NALF1: variants seen among roughly 807,000 people sequenced by gnomAD.
The protein encoded by NALF1 is NALCN channel auxiliary factor 1, also known as family with sequence similarity 155 member A.
In NALF1, 3 loss-of-function variants were observed where a neutral mutation model predicts 48.4. The ratio of observed to expected loss-of-function variants is 0.06; its 90% CI spans 0.03 to 0.16. The LOEUF is 0.16. Ranked by LOEUF, NALF1 falls within the 10% of genes least tolerant of loss-of-function variation. The pLI is 1.00. For missense variants in NALF1, 526 were observed against 571.5 expected (o/e 0.92, Z 0.81); for synonymous variants, 262 against 245.7 (o/e 1.07, Z -0.62).
chr13:107,260,983 A>G (rs1226613589), intron 1 of NALF1, among the ~76,000 whole-genome samples: 3 of 152,170 alleles, frequency 2.0e-5, no homozygotes, highest in Non-Finnish European at 2.9e-5. Flanking sequence ...GAAGATGGTT[A>G]TCTCCACGGG....
intron 1 of NALF1, among the ~76,000 whole-genome samples, chr13:107,677,029 A>T (rs951835686): frequency 1.5e-5 from 2 of 132,600 alleles, no homozygotes. Flanking sequence ...GATAGAATAA[A>T]TAGTCCTTGT....
intron 1 of NALF1, among the ~76,000 whole-genome samples, chr13:107,470,821 T>C (rs1885088751): frequency 6.6e-6 from 1 of 152,142 alleles, no homozygotes. Flanking sequence ...TATACATGTA[T>C]ACTTATGTAT....
At chr13:107,369,410 T>C (rs1883209870) in intron 1 of NALF1, among the ~76,000 whole-genome samples, 1 of 152,228 alleles carries the variant, frequency 6.6e-6, no homozygotes, top group African/African-American at 2.4e-5. Context: ...AACTGGTGTA[T>C]ATCTTTCCAG....
chr13:107,517,859 G>A (rs529846009), intron 1 of NALF1, among the ~76,000 whole-genome samples: 8 of 151,956 alleles, frequency 5.3e-5, no homozygotes, highest in East Asian at 1.9e-4. Context: ...GGGCTGAGGC[G>A]GAGAATCTCT....
intron 1 of NALF1, among the ~76,000 whole-genome samples, chr13:107,601,901 C>T (rs1878940500): frequency 2.0e-5 from 3 of 151,986 alleles, no homozygotes; most frequent in Admixed American, 2.0e-4. Context: ...GAGGCTCCCT[C>T]CCTTCCTTCC....
intron 1 of NALF1, among the ~76,000 whole-genome samples, chr13:107,523,787 A>C (rs1414396696): frequency 1.3e-5 from 2 of 152,118 alleles, no homozygotes; most frequent in Non-Finnish European, 2.9e-5. Flanking sequence ...TTTATCCCTA[A>C]AATGAGGATT....
chr13:107,490,301 T>C (rs1006829232), intron 1 of NALF1, among the ~76,000 whole-genome samples: 3 of 152,034 alleles, frequency 2.0e-5, no homozygotes, highest in Admixed American at 6.6e-5. Context: ...CTATTCACAA[T>C]AGCAAACACA....
chr13:107,200,015 T>C (rs1594066501), intron 2 of NALF1, among the ~76,000 whole-genome samples: 1 of 152,212 alleles, frequency 6.6e-6, no homozygotes, highest in African/African-American at 2.4e-5. Context: ...TGTTTGCTTA[T>C]TGAACACAAA....
intron 1 of NALF1, among the ~76,000 whole-genome samples, chr13:107,332,239 C>A (rs1329402336): frequency 6.6e-6 from 1 of 152,182 alleles, no homozygotes; most frequent in Non-Finnish European, 1.5e-5. Context: ...ACCCTTCTCA[C>A]CCCACTCAAA....
intron 1 of NALF1, among the ~76,000 whole-genome samples, chr13:107,829,573 C>T (rs1173177182): frequency 6.6e-6 from 1 of 151,818 alleles, no homozygotes; most frequent in East Asian, 1.9e-4. Flanking sequence ...AGAGAACCTC[C>T]TTTTTGCATT....
intron 1 of NALF1, among the ~76,000 whole-genome samples, chr13:107,285,404 C>T (rs1881473651): frequency 6.6e-6 from 1 of 152,222 alleles, no homozygotes; most frequent in South Asian, 2.1e-4. Flanking sequence ...ATAGGTACTG[C>T]CACCTCTAAG....
rs564760347 is a variant in NALF1, at chr13:107,761,071, G to A, written c.915+104611C>T. Among the ~76,000 whole-genome samples the A allele has an allele frequency of 2.1e-4, 32 of 152,158 alleles. No homozygotes were observed. In the East Asian group the frequency reaches 5.0e-3, roughly 24 times the overall value. On this transcript the variant is annotated intron_variant, in intron 1 of 2. Coordinates refer to ENST00000375915, the MANE Select transcript of NALF1 (RefSeq NM_001080396.3). ...GGGTTAAGAAAAAATGGCAAACACC[G>A]GCCAGGCGCGGTGGCTGAAATCACA...
intron 1 of NALF1, among the ~76,000 whole-genome samples, chr13:107,384,263 C>A (rs1176430113): frequency 6.6e-6 from 1 of 151,720 alleles, no homozygotes. Flanking sequence ...AAAAACAAAA[C>A]AAAACAAAAC....
intron 1 of NALF1, among the ~76,000 whole-genome samples, chr13:107,499,007 A>G (rs1875428695): frequency 6.6e-6 from 1 of 152,210 alleles, no homozygotes; most frequent in South Asian, 2.1e-4. Flanking sequence ...ATGGGTGTTC[A>G]GTACATATCT....
intron 1 of NALF1, among the ~76,000 whole-genome samples, chr13:107,384,547 G>T (rs947161801): frequency 1.3e-5 from 2 of 151,234 alleles, no homozygotes; most frequent in Non-Finnish European, 2.9e-5. Context: ...TCCCTTTATC[G>T]TGACTAAAAT....
chr13:107,560,910 T>C lies in NALF1; in HGVS notation c.915+304772A>G, dbSNP rs1479411544. 3.3e-5 allele frequency among the ~76,000 whole-genome samples: 5 copies of C among 152,180 alleles called. 1 individual carries two copies. The highest frequency in any genetic ancestry group is 3.3e-4 in the Admixed American group (5 of 15,278). ...CTAAGAAATTATTTTCAACATTCCT[T>C]TTTCTAGTTTTGTTTCCTAATACCA... On this transcript the variant is annotated intron_variant, in intron 1 of 2. Transcript: ENST00000375915.
chr13:107,844,933 G>A (rs1382459358), intron 1 of NALF1, among the ~76,000 whole-genome samples: 1 of 151,998 alleles, frequency 6.6e-6, no homozygotes, highest in Non-Finnish European at 1.5e-5. Context: ...ATTTTTCCAA[G>A]TCAAATATAT....
chr13:107,863,670 T>C (rs1009534883), intron 1 of NALF1, among the ~76,000 whole-genome samples: 2 of 152,176 alleles, frequency 1.3e-5, no homozygotes, highest in African/African-American at 4.8e-5. Flanking sequence ...ACTTCTACTT[T>C]ACACAAAAAC....
chr13:107,301,487 C>T (rs1881836131), intron 1 of NALF1, among the ~76,000 whole-genome samples: 1 of 151,986 alleles, frequency 6.6e-6, no homozygotes, highest in Non-Finnish European at 1.5e-5. Context: ...CAAAAAATAA[C>T]AAAAGCAAAA....
Sources: gnomAD v4.1 joint callset for allele counts (sites outside exome capture counted in the v4.1 genomes callset) on GRCh38, gnomAD v4.1.1 for gene constraint, MANE v1.5 for transcripts, NCBI Gene and HGNC (gene_info 2026-07-23, HGNC 2026-07-21) for gene names.